The following PC variants were observed in gnomAD, a reference collection of about 807,000 sequenced individuals.
PC encodes pyruvate carboxylase, mitochondrial.
Under a neutral mutation model 107.8 loss-of-function variants are expected in PC, and 46 were observed. The observed-to-expected ratio is 0.43, with a 90% CI of 0.34 to 0.55. The LOEUF is 0.55. Ranked by LOEUF, PC falls within the 20% of genes least tolerant of loss-of-function variation. The probability of loss-of-function intolerance (pLI) is 0.04; values close to 1 mark genes in which losing one functional copy is unlikely to be tolerated. For missense variants in PC, 1,241 were observed against 1,643.1 expected (o/e 0.76, Z 4.23); for synonymous variants, 662 against 684.7 (o/e 0.97, Z 0.52).
chr11:66,929,409 C>T (rs1948792729), intron 3 of PC, among the ~76,000 whole-genome samples: 1 of 152,140 alleles, frequency 6.6e-6, no homozygotes, highest in Non-Finnish European at 1.5e-5. Context: ...CTCTGTCCCC[C>T]AGGCTGGAGT....
At chr11:66,851,313 C>G in intron 16 of PC, 33 bp from the exon 17 acceptor site, 2 of 1,599,442 alleles carry the variant, frequency 1.3e-6, no homozygotes, top group Non-Finnish European at 8.5e-7. Context: ...GGCTGAGCCC[C>G]ACCCCACCTC....
chr11:66,927,991 T>A (rs1457236882), intron 3 of PC, among the ~76,000 whole-genome samples: 1 of 152,124 alleles, frequency 6.6e-6, no homozygotes, highest in Non-Finnish European at 1.5e-5. Flanking sequence ...ATACATCTGC[T>A]TGTTGGTTTC....
At chr11:66,887,800 C>A (rs1947426947) in intron 3 of PC, among the ~76,000 whole-genome samples, 1 of 152,200 alleles carries the variant, frequency 6.6e-6, no homozygotes, top group African/African-American at 2.4e-5. Flanking sequence ...GTTTGGGATG[C>A]CAAAAGAGAC....
chr11:66,864,243 C>T (rs1591171614), intron 11 of PC, among the ~76,000 whole-genome samples: 1 of 152,336 alleles, frequency 6.6e-6, no homozygotes, highest in Non-Finnish European at 1.5e-5. Context: ...GGGAGAGGGG[C>T]CCGGGCAGGC....
chr11:66,871,566 G>A lies in PC; in HGVS notation c.322-86C>T. The A allele has an allele frequency of 1.3e-6, 2 of 1,594,132 alleles. No individual in the cohort carries two copies. The highest frequency in any genetic ancestry group is 1.7e-6 in the Non-Finnish European group (2 of 1,163,962). ...CCTCTTCCCCTGCCTAACCTGCTGA[G>A]CTGCATCCGTTTACCCACCCACGCA... On this transcript the variant is annotated intron_variant, in intron 5 of 22. Coordinates refer to ENST00000393960, the MANE Select transcript of PC (RefSeq NM_001040716.2). This position sits in a 1 kb window ranked among gnomAD's most constrained non-coding sequence, Gnocchi z 7.4.
intron 3 of PC, among the ~76,000 whole-genome samples, chr11:66,943,012 A>G (rs958686837): frequency 2.2e-5 from 3 of 139,516 alleles, no homozygotes; most frequent in Admixed American, 7.1e-5. Context: ...GCGAAACTCC[A>G]TCTCAAAAAA....
intron 3 of PC, among the ~76,000 whole-genome samples, chr11:66,950,401 C>T (rs115522750): frequency 1.7e-3 from 264 of 152,260 alleles, no homozygotes; most frequent in Middle Eastern, 6.8e-3. Flanking sequence ...TCTCTGGCCT[C>T]GAGGCATATC....
intron 3 of PC, among the ~76,000 whole-genome samples, chr11:66,880,474 G>A (rs998861153): frequency 8.5e-5 from 13 of 152,192 alleles, no homozygotes; most frequent in African/African-American, 2.9e-4. Context: ...CACCTATGGT[G>A]ACCCTCGGAA....
In PC at chr11:66,953,020, C is replaced by T. The variant is rs560033569; in HGVS notation, c.-39-552G>A. Among the ~76,000 whole-genome samples the T allele has an allele frequency of 6.6e-5, 10 of 152,306 alleles. No individual in the cohort carries two copies. The South Asian group carries it at 2.1e-3, about 32-fold the overall frequency. On this transcript the variant is annotated intron_variant, in intron 2 of 22. Transcript: ENST00000393960. Reference sequence around the variant, plus strand: ...AATAATAACAATGCCCATCTCACAGCGTACTAGGGAATACCCAATGAGGCA... The same window carrying T: ...AATAATAACAATGCCCATCTCACAGTGTACTAGGGAATACCCAATGAGGCA...
intron 11 of PC, among the ~76,000 whole-genome samples, chr11:66,864,815 A>G (rs1946423608): frequency 6.6e-6 from 1 of 152,168 alleles, no homozygotes; most frequent in Non-Finnish European, 1.5e-5. Context: ...TGAGCCCCGC[A>G]GAGAAGGGCT....
At position 66,850,069 on chromosome 11, in the gene PC, C is replaced by T. The variant is rs1591113979; in HGVS notation, c.2766G>A (p.Val922=). The T allele has an allele frequency of 1.2e-6, 2 of 1,613,730 alleles. No homozygotes were observed. Among genetic ancestry groups the T allele is most frequent in the Non-Finnish European group, 1.7e-6 (2 of 1,180,042 alleles). ...KIVGDLAQFM[V]QNGLSRAEAE... is the part of the protein sequence containing the mutation. ...CCTCTGCCCGGCTCAATCCATTCTG[C>T]ACCATAAACTGGGCCAGGTCCCCCA... Residue 922 remains valine (V), a synonymous_variant, in exon 20 of 23, where the codon GTG becomes GTA. Coordinates refer to ENST00000393960, the MANE Select transcript of PC (RefSeq NM_001040716.2).
chr11:66,852,832 A>T lies in PC; in HGVS notation c.1518T>A (p.His506Gln). 6.4e-7 allele frequency: 1 copy of T among 1,563,326 alleles called. No individual in the cohort carries two copies. The highest frequency in any genetic ancestry group is 8.7e-7 in the Non-Finnish European group (1 of 1,150,368). Residue 506 changes from histidine to glutamine, a missense_variant, in exon 14 of 23, where the codon CAT (histidine) becomes CAA (glutamine). Physicochemically the swap from His to Gln is conservative, Grantham distance 24. Around this residue, in one of 2 missense-constraint regions of PC, gnomAD observed 1,143 missense variants for 1,551.9 expected, o/e 0.74. Transcript: ENST00000393960. This position sits in a 1 kb window ranked among gnomAD's most constrained non-coding sequence, Gnocchi z 4.7. ...RAQKLLHYLG[H>Q]VMVNGPTTPI... Reference sequence around the variant, plus strand: ...GGGTGGTTGGACCGTTTACCATGACATGGCCTGGGGAGAAAGCGGGCAGTG... The same window carrying T: ...GGGTGGTTGGACCGTTTACCATGACTTGGCCTGGGGAGAAAGCGGGCAGTG...
In PC at chr11:66,866,183, C is replaced by G. The variant is rs1946483426; in HGVS notation, c.1185+4G>C. The G allele has an allele frequency of 1.9e-6, 3 of 1,606,826 alleles. No individual in the cohort carries two copies. The Admixed American group carries it at 5.0e-5, about 27-fold the overall frequency. ...GCATCTCCCTCTGCTCGAGCTCCGC[C>G]CACCTCAATGCGGCCGGTGTCCGGC... On this transcript the variant is annotated splice_donor_region_variant and intron_variant, in intron 11 of 22. Transcript: ENST00000393960. This position sits in a 1 kb window ranked among gnomAD's most constrained non-coding sequence, Gnocchi z 5.4.
chr11:66,865,701 G>A (rs1412511386), intron 11 of PC, among the ~76,000 whole-genome samples: 1 of 151,980 alleles, frequency 6.6e-6, no homozygotes, highest in Non-Finnish European at 1.5e-5. Flanking sequence ...CTCCTGTGCC[G>A]CCATCTCCGA....
chr11:66,927,485 G>A (rs1425895931), intron 3 of PC, among the ~76,000 whole-genome samples: 1 of 151,878 alleles, frequency 6.6e-6, no homozygotes, highest in Admixed American at 6.6e-5. Flanking sequence ...ACTTTGGGAG[G>A]CTGAGGTGGG....
chr11:66,946,012 G>A (rs1260981064), intron 3 of PC, among the ~76,000 whole-genome samples: 1 of 150,806 alleles, frequency 6.6e-6, no homozygotes, highest in Admixed American at 6.6e-5. Context: ...CGTGAACCCG[G>A]GAAGCGAAGC....
intron 9 of PC, among the ~76,000 whole-genome samples, chr11:66,869,796 C>A (rs1319069698): frequency 1.3e-5 from 2 of 152,200 alleles, no homozygotes; most frequent in East Asian, 3.9e-4. Flanking sequence ...TAGCTTGCCA[C>A]CTCAGCCTCC....
At chr11:66,902,463 A>ACACC in intron 3 of PC, among the ~76,000 whole-genome samples, 1 of 152,268 alleles carries the variant, frequency 6.6e-6, no homozygotes, top group South Asian at 2.1e-4. Context: ...GCATGGAAAG[A>ACACC]CACCCAGATG....
intron 3 of PC, among the ~76,000 whole-genome samples, chr11:66,896,401 G>A (rs533764821): frequency 3.3e-5 from 5 of 152,276 alleles, no homozygotes; most frequent in Admixed American, 2.6e-4. Context: ...TCTCTATCCA[G>A]CTAAACTATC....
Sources: gnomAD v4.1 joint callset for allele counts (sites outside exome capture counted in the v4.1 genomes callset) on GRCh38, gnomAD v4.1.1 for gene constraint, gnomAD v4.1.1 regional missense constraint, Gnocchi (gnomAD v3.1) non-coding constraint, MANE v1.5 for transcripts, NCBI Gene and HGNC (gene_info 2026-07-23, HGNC 2026-07-21) for gene names.